The following MUC7 variants were observed in gnomAD, a reference collection of about 807,000 sequenced individuals.
MUC7 encodes the protein mucin-7.
MUC7 carries 2 observed loss-of-function variants against 2.5 expected under a neutral mutation model. The ratio of observed to expected loss-of-function variants is 0.81; its 90% CI spans 0.33 to 2.55. The LOEUF (loss-of-function observed/expected upper bound fraction) is 2.55. MUC7 is among the 30% of genes most tolerant of loss of function. The probability of loss-of-function intolerance (pLI) is 0.11; values close to 1 mark genes in which losing one functional copy is unlikely to be tolerated. For synonymous variants in MUC7, 133 were observed against 173.4 expected (o/e 0.77, Z 1.83); for missense variants, 408 against 455.6 (o/e 0.90, Z 0.95).
In MUC7 at chr4:70,480,820, G is replaced by A; in HGVS notation, c.76G>A (p.Asp26Asn). Reference sequence around the variant, plus strand: ...GCAGTTCAGTGAAGGTCGAGAAAGGGATCATGAACTACGTCACAGAAGGCA... The same window carrying A: ...GCAGTTCAGTGAAGGTCGAGAAAGGAATCATGAACTACGTCACAGAAGGCA... ...CFSFSEGRERDHELRHRRHHH... is the reference protein window; with the variant it reads ...CFSFSEGRERNHELRHRRHHH... The change falls in exon 3 of 3, where the codon GAT (aspartate) becomes AAT (asparagine). Residue 26 changes from aspartate to asparagine, a missense_variant. Asp to Asn is a conservative substitution (Grantham distance 23). Coordinates refer to ENST00000304887, the MANE Select transcript of MUC7 (RefSeq NM_152291.3). The A allele has an allele frequency of 6.2e-7, 1 of 1,613,688 alleles. No homozygotes were observed.
chr4:70,474,115 A>G (rs778789020), intron 2 of MUC7, 40 bp downstream of exon 2: 1 of 1,558,112 alleles, frequency 6.4e-7, no homozygotes, highest in Non-Finnish European at 8.8e-7. Context: ...TTAACTATCA[A>G]TAACAAACAT....
chr4:70,468,655 A>T (rs575477764), upstream of MUC7, among the ~76,000 whole-genome samples: 23 of 152,354 alleles, frequency 1.5e-4, no homozygotes, highest in South Asian at 8.3e-4. Flanking sequence ...TCCCATTCAC[A>T]TTTGCTACAA....
intron 1 of MUC7, among the ~76,000 whole-genome samples, chr4:70,451,753 A>G (rs1485038979): frequency 6.6e-6 from 1 of 152,146 alleles, no homozygotes; most frequent in East Asian, 1.9e-4. Flanking sequence ...TGAATTAAAT[A>G]TTCTGTAAAT....
chr4:70,466,714 T>C (rs1418827039), intron 1 of MUC7, among the ~76,000 whole-genome samples: 1 of 152,196 alleles, frequency 6.6e-6, no homozygotes, highest in Non-Finnish European at 1.5e-5. Context: ...CTAACTATCC[T>C]AAATATATAT....
intron 1 of MUC7, among the ~76,000 whole-genome samples, chr4:70,449,759 G>A (rs1437989554): frequency 6.6e-6 from 1 of 152,142 alleles, no homozygotes; most frequent in Non-Finnish European, 1.5e-5. Flanking sequence ...GGATTACCAG[G>A]CAGAGACTCT....
intron 2 of MUC7, among the ~76,000 whole-genome samples, chr4:70,476,112 C>G (rs1162660282): frequency 2.0e-5 from 3 of 152,128 alleles, no homozygotes; most frequent in Non-Finnish European, 4.4e-5. Context: ...CTTCACAGGG[C>G]TGCTGAAGGG....
At chr4:70,442,716 C>A (rs959534311) in intron 1 of MUC7, among the ~76,000 whole-genome samples, 2 of 152,160 alleles carry the variant, frequency 1.3e-5, no homozygotes, top group African/African-American at 4.8e-5. Flanking sequence ...ATGAGGGATC[C>A]CTTTTGCCTG....
chr4:70,437,260 C>T (rs1257745931), intron 1 of MUC7, among the ~76,000 whole-genome samples: 2 of 152,226 alleles, frequency 1.3e-5, no homozygotes, highest in African/African-American at 2.4e-5. Context: ...ACGTTTAAGT[C>T]TGCAGAAGCT....
intron 1 of MUC7, among the ~76,000 whole-genome samples, chr4:70,464,289 G>A (rs894560309): frequency 1.3e-5 from 2 of 152,144 alleles, no homozygotes; most frequent in African/African-American, 4.8e-5. Flanking sequence ...TATACCACCA[G>A]GGCCCAGGGT....
chr4:70,456,358 C>T (rs1436120089), intron 1 of MUC7, among the ~76,000 whole-genome samples: 5 of 152,094 alleles, frequency 3.3e-5, no homozygotes, highest in Non-Finnish European at 5.9e-5. Context: ...GGAAAAAGGA[C>T]ACAAGTATTA....
intron 1 of MUC7, 111 bp from the exon 2 acceptor site, chr4:70,473,896 C>T (rs1734913531): frequency 2.7e-6 from 2 of 728,872 alleles, no homozygotes; most frequent in Admixed American, 2.5e-5. Context: ...TTTCAGAAAC[C>T]ATTGGTCTCT....
At chr4:70,462,965 C>G (rs1438839524) in intron 1 of MUC7, among the ~76,000 whole-genome samples, 3 of 150,122 alleles carry the variant, frequency 2.0e-5, no homozygotes, top group African/African-American at 7.6e-5. Flanking sequence ...CACTTTGTCT[C>G]TAAAAATGAA....
At chr4:70,435,405 A>C (rs759076521) in intron 1 of MUC7, among the ~76,000 whole-genome samples, 35 of 152,190 alleles carry the variant, frequency 2.3e-4, no homozygotes, top group Non-Finnish European at 4.4e-4. Context: ...GTGTGTATAT[A>C]TTTAGTACAG....
At chr4:70,440,991 TTA>T (rs1733991061) in intron 1 of MUC7, among the ~76,000 whole-genome samples, 1 of 152,154 alleles carries the variant, frequency 6.6e-6, no homozygotes, top group African/African-American at 2.4e-5. Flanking sequence ...AAAAAAATTA[TTA>T]ATATATGCAA....
Position 70,441,760 on chromosome 4 carries a change from G to A in MUC7, c.-93+11073G>A, listed in dbSNP as rs79921339. ...ATCTGGGTTGACAAAGTAGATCTCA[G>A]TATCCAAAACTATTGCAAAAAAATA... On this transcript the variant is annotated intron_variant, in intron 1 of 3. Coordinates refer to the MUC7 transcript ENST00000413702. Among the ~76,000 whole-genome samples the A allele has an allele frequency of 3.8e-4, 58 of 152,300 alleles. No homozygotes were observed. In the East Asian group the frequency reaches 0.011, roughly 28 times the overall value.
intron 2 of MUC7, among the ~76,000 whole-genome samples, chr4:70,475,064 A>G (rs953430142): frequency 6.6e-6 from 1 of 152,160 alleles, no homozygotes. Context: ...GGATCACCCG[A>G]GGTCAGGAGT....
chr4:70,456,694 G>A (rs1734424014), intron 1 of MUC7, among the ~76,000 whole-genome samples: 1 of 152,140 alleles, frequency 6.6e-6, no homozygotes, highest in Non-Finnish European at 1.5e-5. Context: ...GACACATGGG[G>A]ATTACAGTTC....
upstream of MUC7, among the ~76,000 whole-genome samples, chr4:70,468,297 A>G (rs530829811): frequency 6.6e-6 from 1 of 152,288 alleles, no homozygotes; most frequent in East Asian, 1.9e-4. Flanking sequence ...CACAGCCAAT[A>G]TCATACTGAA....
intron 1 of MUC7, among the ~76,000 whole-genome samples, chr4:70,438,151 T>C (rs1442018422): frequency 6.6e-6 from 1 of 152,058 alleles, no homozygotes; most frequent in Non-Finnish European, 1.5e-5. Flanking sequence ...CTCAAAAGAG[T>C]ATCATTTTGA....
Sources: gnomAD v4.1 joint callset for allele counts (sites outside exome capture counted in the v4.1 genomes callset) on GRCh38, gnomAD v4.1.1 for gene constraint, MANE v1.5 for transcripts, NCBI Gene and HGNC (gene_info 2026-07-23, HGNC 2026-07-21) for gene names.